Variants in ABTB3 observed in about 807,000 individuals in gnomAD.
ABTB3 encodes the protein ankyrin repeat and BTB domain containing 3.
At chr12:107,653,471 C>T in the ABTB3 span, among the ~76,000 whole-genome samples, 2 of 150,908 alleles carry the variant, frequency 1.3e-5, no homozygotes, top group East Asian at 1.9e-4. Flanking sequence ...GAGTGGAGAT[C>T]GCGCCACTGC....
the ABTB3 span, among the ~76,000 whole-genome samples, chr12:107,632,387 T>C: frequency 1.3e-5 from 2 of 152,140 alleles, no homozygotes; most frequent in Admixed American, 1.3e-4. Flanking sequence ...CTGGTGTAGA[T>C]GAGTGAGACC....
the ABTB3 span, among the ~76,000 whole-genome samples, chr12:107,534,549 T>C: frequency 1.3e-5 from 2 of 152,056 alleles, no homozygotes; most frequent in African/African-American, 4.8e-5. Context: ...AACCTTTAGC[T>C]AGACTAAGAA....
chr12:107,341,902 G>A, the ABTB3 span, among the ~76,000 whole-genome samples: 4 of 152,190 alleles, frequency 2.6e-5, no homozygotes, highest in Non-Finnish European at 2.9e-5. Flanking sequence ...CATGTGACAT[G>A]CCTGCTCCCC....
chr12:107,623,044 C>A, the ABTB3 span, among the ~76,000 whole-genome samples: 1 of 150,684 alleles, frequency 6.6e-6, no homozygotes, highest in Non-Finnish European at 1.5e-5. Flanking sequence ...TTTAAAAAGA[C>A]TTCCCAGCTT....
At chr12:107,479,288 T>C in the ABTB3 span, among the ~76,000 whole-genome samples, 1 of 152,034 alleles carries the variant, frequency 6.6e-6, no homozygotes, top group African/African-American at 2.4e-5. Context: ...CTACTTGGTG[T>C]CTCTCTTCTA....
chr12:107,441,495 A>G, the ABTB3 span, among the ~76,000 whole-genome samples: 2 of 152,162 alleles, frequency 1.3e-5, no homozygotes, highest in Non-Finnish European at 2.9e-5. Flanking sequence ...ATCAGGAAAA[A>G]TAGCTAATGC....
the ABTB3 span, among the ~76,000 whole-genome samples, chr12:107,564,295 C>T: frequency 1.3e-5 from 2 of 152,272 alleles, no homozygotes; most frequent in African/African-American, 4.8e-5. Context: ...GACTTCCCAT[C>T]CCAGCTTTAG....
chr12:107,594,302 G>A, the ABTB3 span, among the ~76,000 whole-genome samples: 1 of 152,152 alleles, frequency 6.6e-6, no homozygotes, highest in African/African-American at 2.4e-5. Context: ...AACATATTCA[G>A]ACAGACCCAG....
At chr12:107,563,084 T>G in the ABTB3 span, among the ~76,000 whole-genome samples, 3 of 152,252 alleles carry the variant, frequency 2.0e-5, no homozygotes, top group African/African-American at 7.2e-5. Flanking sequence ...TGGGCCCGAC[T>G]CTTAACATAG....
the ABTB3 span, among the ~76,000 whole-genome samples, chr12:107,604,613 A>G: frequency 0.016 from 2,451 of 152,340 alleles, 30 homozygotes; most frequent in Non-Finnish European, 0.022. Context: ...AAGATGAAAT[A>G]TAAAAGTGTT....
At chr12:107,334,599 A>G in the ABTB3 span, among the ~76,000 whole-genome samples, 67,334 of 151,898 alleles carry the variant, frequency 0.44, 18,506 homozygotes, top group African/African-American at 0.79. Flanking sequence ...TAACTAGGCC[A>G]TTGGATACTC....
At chr12:107,366,469 G>T in the ABTB3 span, among the ~76,000 whole-genome samples, 1 of 152,168 alleles carries the variant, frequency 6.6e-6, no homozygotes, top group African/African-American at 2.4e-5. Context: ...ACCATTTGAG[G>T]CTGCAGAAAA....
the ABTB3 span, among the ~76,000 whole-genome samples, chr12:107,589,357 CCTT>C: frequency 1.3e-5 from 2 of 152,196 alleles, no homozygotes; most frequent in African/African-American, 4.8e-5. Flanking sequence ...GTGTCTTGGA[CCTT>C]CTGCCACTGC....
chr12:107,596,371 T>C, the ABTB3 span, among the ~76,000 whole-genome samples: 33 of 152,252 alleles, frequency 2.2e-4, no homozygotes, highest in African/African-American at 7.0e-4. Flanking sequence ...CCCAGCACTT[T>C]GGAGGTCAAG....
chr12:107,426,945 T>C, the ABTB3 span, among the ~76,000 whole-genome samples: 1 of 152,210 alleles, frequency 6.6e-6, no homozygotes, highest in African/African-American at 2.4e-5. Context: ...TCCTGCTTTT[T>C]TCAATTTCAT....
the ABTB3 span, among the ~76,000 whole-genome samples, chr12:107,511,064 G>A: frequency 6.6e-6 from 1 of 152,184 alleles, no homozygotes; most frequent in Admixed American, 6.5e-5. Flanking sequence ...GCCCTGAGAT[G>A]AAAATGTGTT....
At chr12:107,439,534 C>T in the ABTB3 span, among the ~76,000 whole-genome samples, 1 of 152,136 alleles carries the variant, frequency 6.6e-6, no homozygotes, top group African/African-American at 2.4e-5. Context: ...AGGGCTGAGG[C>T]TCCACCTAAT....
chr12:107,418,732 C>T, the ABTB3 span, among the ~76,000 whole-genome samples: 1 of 152,160 alleles, frequency 6.6e-6, no homozygotes, highest in African/African-American at 2.4e-5. Flanking sequence ...CTTGGGTGAC[C>T]TTGAGCAGGA....
the ABTB3 span, among the ~76,000 whole-genome samples, chr12:107,499,441 A>G: frequency 6.6e-6 from 1 of 151,986 alleles, no homozygotes; most frequent in African/African-American, 2.4e-5. Flanking sequence ...CTAACCAGCA[A>G]CTGGAGCTCC....
Sources: gnomAD v4.1 joint callset for allele counts (sites outside exome capture counted in the v4.1 genomes callset) on GRCh38, gnomAD v4.1.1 for gene constraint, MANE v1.5 for transcripts, NCBI Gene and HGNC (gene_info 2026-07-23, HGNC 2026-07-21) for gene names.